The following MEGF8 variants were observed in gnomAD, a reference collection of about 807,000 sequenced individuals.
MEGF8 encodes multiple epidermal growth factor-like domains protein 8.
Under a neutral mutation model 302.9 loss-of-function variants are expected in MEGF8, and 156 were observed. The ratio of observed to expected loss-of-function variants is 0.52; its 90% CI spans 0.45 to 0.59. The LOEUF (loss-of-function observed/expected upper bound fraction) is 0.59, where lower values mean the gene tolerates loss of function less well. Among genes scored for constraint, MEGF8 ranks in the 20% least tolerant of loss-of-function variants. The pLI, the probability that MEGF8 is intolerant of heterozygous loss-of-function variation, is 0.00. For missense variants in MEGF8, 3,345 were observed against 3,964.5 expected (o/e 0.84, Z 4.20); for synonymous variants, 1,621 against 1,660.5 (o/e 0.98, Z 0.58).
intron 12 of MEGF8, among the ~76,000 whole-genome samples, chr19:42,346,760 G>A (rs190916906): frequency 3.9e-5 from 6 of 152,138 alleles, no homozygotes; most frequent in Admixed American, 2.0e-4. Flanking sequence ...CAAGGCAGGC[G>A]GATTACAAGG....
intron 9 of MEGF8, 71 bp from the exon 10 acceptor site, chr19:42,343,883 G>A: frequency 6.5e-7 from 1 of 1,549,526 alleles, no homozygotes; most frequent in Non-Finnish European, 8.7e-7. Flanking sequence ...GACTTGGGAG[G>A]CCGGCCCAGG....
intron 32 of MEGF8, among the ~76,000 whole-genome samples, chr19:42,361,590 C>G (rs1441035028): frequency 2.0e-5 from 3 of 152,136 alleles, no homozygotes; most frequent in Non-Finnish European, 4.4e-5. Context: ...AGTGGGTACA[C>G]CCACTGCTTT....
chr19:42,342,261 G>A (rs1208930241), intron 8 of MEGF8, among the ~76,000 whole-genome samples: 2 of 152,180 alleles, frequency 1.3e-5, no homozygotes, highest in Non-Finnish European at 2.9e-5. Context: ...GGGTAGGGAA[G>A]TCACCATTCA....
Position 42,351,271 on chromosome 19 carries a change from G to C in MEGF8, c.2792G>C (p.Ser931Thr). 1 of 1,571,862 alleles carries C rather than the reference G, an allele frequency of 6.4e-7. No homozygotes were observed. The highest frequency in any genetic ancestry group is 8.6e-7 in the Non-Finnish European group (1 of 1,158,244). ...STSRKGDAACSRRGRGRGALK... is the reference protein window; with the variant it reads ...STSRKGDAACTRRGRGRGALK... ...AGCCGCAAAGGGGACGCGGCATGCAGCCGGCGGGGCCGGGGTCGGGGTGCC... is the reference window on the plus strand; with the variant it reads ...AGCCGCAAAGGGGACGCGGCATGCACCCGGCGGGGCCGGGGTCGGGGTGCC... Residue 931 changes from serine to threonine, a missense_variant, in exon 16 of 42, where the codon AGC (serine) becomes ACC (threonine). By Grantham distance (58) the Ser-to-Thr change is moderately conservative. Coordinates refer to ENST00000251268, the MANE Select transcript of MEGF8 (RefSeq NM_001271938.2). The surrounding 1 kb of genome is among the most constrained non-coding windows in gnomAD (Gnocchi z 5.6).
Position 42,335,123 on chromosome 19 carries a change from A to G in MEGF8, c.647A>G (p.His216Arg). Residue 216 changes from histidine to arginine, a missense_variant, in exon 4 of 42, where the codon CAC (histidine) becomes CGC (arginine). His to Arg is a conservative substitution (Grantham distance 29). Coordinates refer to ENST00000251268, the MANE Select transcript of MEGF8 (RefSeq NM_001271938.2). ...LWENQGAGWW[H>R]NVSARDPAFS... ...GAGAACCAGGGGGCTGGGTGGTGGC[A>G]CAACGTGAGTGCCAGGGACCCTGCC... 1 of 1,613,922 alleles carries G rather than the reference A, an allele frequency of 6.2e-7. No individual in the cohort carries two copies. The highest frequency in any genetic ancestry group is 8.5e-7 in the Non-Finnish European group (1 of 1,179,872).
chr19:42,351,323 G>T lies in MEGF8; in HGVS notation c.2844G>T (p.Pro948=). Residue 948 remains proline (P), a synonymous_variant, in exon 16 of 42, where the codon CCG becomes CCT. Transcript: ENST00000251268. The surrounding 1 kb of genome is among the most constrained non-coding windows in gnomAD (Gnocchi z 5.6). ...GALKSPEECP[P]LCSQRLTCED... ...TGAAGAGTCCAGAGGAGTGTCCCCC[G>T]CTCTGCAGCCAGTGAGTCAGGCTGG... 1.9e-6 allele frequency: 3 copies of T among 1,567,910 alleles called. No individual in the cohort carries two copies. Among genetic ancestry groups the T allele is most frequent in the Non-Finnish European group, 2.6e-6 (3 of 1,156,070 alleles).
chr19:42,357,580 C>A lies in MEGF8; in HGVS notation c.5007C>A (p.Pro1669=), dbSNP rs755932452. 336 of 1,601,296 alleles carry A rather than the reference C, an allele frequency of 2.1e-4. No homozygotes were observed. The highest frequency in any genetic ancestry group is 3.3e-4 in the Middle Eastern group (2 of 6,052). The change falls in exon 28 of 42, where the codon CCC becomes CCA. Residue 1669 remains proline, a synonymous_variant. Coordinates refer to ENST00000251268, the MANE Select transcript of MEGF8 (RefSeq NM_001271938.2). This position sits in a 1 kb window ranked among gnomAD's most constrained non-coding sequence, Gnocchi z 5.2. ...WVSGAQSGTP[P]TGLYGHSAVY... ...CAGGAGCCCAGAGTGGGACACCCCC[C>A]ACAGGTGGGGCTGGGGACCGGGAGG...
At chr19:42,364,785 C>A (rs1208452039) in intron 35 of MEGF8, among the ~76,000 whole-genome samples, 2 of 152,202 alleles carry the variant, frequency 1.3e-5, no homozygotes, top group Non-Finnish European at 2.9e-5. Context: ...TCCAAGACCT[C>A]AGGGAGAGTT....
Position 42,363,239 on chromosome 19 carries a change from G to T in MEGF8, c.6250G>T (p.Val2084Phe), listed in dbSNP as rs1432015265. 1.9e-6 allele frequency: 3 copies of T among 1,603,684 alleles called. No individual in the cohort carries two copies. Among genetic ancestry groups the T allele is most frequent in the Non-Finnish European group, 2.6e-6 (3 of 1,175,446 alleles). Residue 2084 changes from valine (V) to phenylalanine (F), a missense_variant, in exon 35 of 42, where the codon GTT becomes TTT. By Grantham distance (50) the Val-to-Phe change is conservative. Transcript: ENST00000251268. ...AGCAGATGGGGGCTGGCAGCACTGT[G>T]TTTGGAGCAGCAGCCTGCAGCAGGT... is the stretch of plus-strand genomic sequence containing the variant. ...KGADGGWQHC[V>F]WSSSLQQCLS...
In MEGF8 at chr19:42,362,549, T is replaced by C; in HGVS notation, c.6010T>C (p.Cys2004Arg). Residue 2004 changes from cysteine (C) to arginine (R), a missense_variant, in exon 34 of 42, where the codon TGC (cysteine) becomes CGC (arginine). Transcript: ENST00000251268. ...AACGAADCEQ[C>R]TREGKCMWTR... ...GTGCGGGGCTGCTGACTGCGAGCAG[T>C]GCACGCGGGAGGGCAAGTGCATGTG... 6.2e-7 allele frequency: 1 copy of C among 1,613,248 alleles called. No individual in the cohort carries two copies. Among genetic ancestry groups the C allele is most frequent in the East Asian group, 2.2e-5 (1 of 44,878 alleles).
At chr19:42,341,738 C>T (rs184219131) in intron 8 of MEGF8, among the ~76,000 whole-genome samples, 1 of 152,180 alleles carries the variant, frequency 6.6e-6, no homozygotes, top group Non-Finnish European at 1.5e-5. Context: ...TGAACTACCA[C>T]GCCCAGACAT....
intron 31 of MEGF8, among the ~76,000 whole-genome samples, chr19:42,359,861 T>TA (rs2039506412): frequency 6.7e-6 from 1 of 149,908 alleles, no homozygotes; most frequent in African/African-American, 2.5e-5. Context: ...TAATTTTTTT[T>TA]TTTTTTTTTT....
At chr19:42,371,608 G>A in intron 41 of MEGF8, 126 bp downstream of exon 41, 1 of 1,341,614 alleles carries the variant, frequency 7.5e-7, no homozygotes, top group Non-Finnish European at 1.0e-6. Flanking sequence ...TTGGGATCAA[G>A]TGCAGCTTGA....
chr19:42,364,743 G>T (rs2039580406), intron 35 of MEGF8, among the ~76,000 whole-genome samples: 1 of 152,196 alleles, frequency 6.6e-6, no homozygotes, highest in African/African-American at 2.4e-5. Context: ...CCACTTCCTG[G>T]CTGTTTGACT....
Position 42,376,881 on chromosome 19 carries a change from A to G in MEGF8, c.*106A>G. ...CCTGGACACTGTCTACTTGGAGACC[A>G]CTGGCCCCCTTCCCCCAGGGTTGCC... On this transcript the variant is annotated 3_prime_UTR_variant, in exon 42 of 42. Coordinates refer to ENST00000251268, the MANE Select transcript of MEGF8 (RefSeq NM_001271938.2). This position sits in a 1 kb window ranked among gnomAD's most constrained non-coding sequence, Gnocchi z 8.2. The G allele has an allele frequency of 7.9e-7, 1 of 1,267,602 alleles. No individual in the cohort carries two copies. 78.5% of individuals were successfully genotyped at this position (1,267,602 alleles called of 1,614,324 possible).
At chr19:42,370,610 G>A (rs912877209) in intron 39 of MEGF8, 91 bp from the exon 40 acceptor site, 83 of 1,438,244 alleles carry the variant, frequency 5.8e-5, no homozygotes, top group South Asian at 5.2e-5. Context: ...GGGTCTGAGG[G>A]AGGAGTGGGT....
intron 35 of MEGF8, among the ~76,000 whole-genome samples, chr19:42,366,004 C>G (rs371029842): frequency 1.3e-5 from 2 of 151,218 alleles, no homozygotes; most frequent in East Asian, 4.0e-4. Context: ...GTCGCTTGAA[C>G]CTGGGTGGCA....
In MEGF8 at chr19:42,357,232, C is replaced by G. The variant is rs1023086520; in HGVS notation, c.4831-172C>G. On this transcript the variant is annotated intron_variant, in intron 27 of 41. Coordinates refer to ENST00000251268, the MANE Select transcript of MEGF8 (RefSeq NM_001271938.2). The surrounding 1 kb of genome is among the most constrained non-coding windows in gnomAD (Gnocchi z 5.2). ...ACCAGGCTTGAGCAGGTGGAAATGC[C>G]AAGGGGCCCACTGTGCCTCTGCCAG... Among the ~76,000 whole-genome samples the G allele has an allele frequency of 6.6e-6, 1 of 152,214 alleles. No individual in the cohort carries two copies. The highest frequency in any genetic ancestry group is 2.4e-5 in the African/African-American group (1 of 41,450).
chr19:42,336,699 C>A lies in MEGF8; in HGVS notation c.1245-108C>A. 1 of 1,452,014 alleles carries A rather than the reference C, an allele frequency of 6.9e-7. No homozygotes were observed. Among genetic ancestry groups the A allele is most frequent in the Non-Finnish European group, 9.2e-7 (1 of 1,084,792 alleles). The allele number at this position is 1,452,014 out of a possible 1,614,324, so 89.9% of individuals were successfully genotyped here. On this transcript the variant is annotated intron_variant, in intron 6 of 41. Transcript: ENST00000251268. This position sits in a 1 kb window ranked among gnomAD's most constrained non-coding sequence, Gnocchi z 4.8. ...TTCTAGTTTGGAGGGGACATAGAGT[C>A]AGTCATGGCCAGTCTCATCCCTGGG...
Sources: allele counts gnomAD v4.1 joint callset (sites outside exome capture counted in the v4.1 genomes callset), GRCh38; gene constraint gnomAD v4.1.1; non-coding constraint Gnocchi (gnomAD v3.1); transcripts MANE v1.5; gene names NCBI Gene and HGNC (gene_info 2026-07-23, HGNC 2026-07-21).